NXN: variants seen among roughly 807,000 people sequenced by gnomAD.
NXN encodes nucleoredoxin 1.
Under a neutral mutation model 48.6 loss-of-function variants are expected in NXN, and 16 were observed. The observed-to-expected ratio is 0.33, with a 90% CI of 0.22 to 0.50. The LOEUF is 0.50. Ranked by LOEUF, NXN falls within the 20% of genes least tolerant of loss-of-function variation. NXN has a pLI of 0.98. For missense variants in NXN, 492 were observed against 605.5 expected (o/e 0.81, Z 1.97); for synonymous variants, 281 against 269.6 (o/e 1.04, Z -0.41).
At chr17:927,043 G>A (rs1314767129) in intron 1 of NXN, among the ~76,000 whole-genome samples, 1 of 152,056 alleles carries the variant, frequency 6.6e-6, no homozygotes. Context: ...GCCAGGTGCG[G>A]TGGCTCACGC....
intron 1 of NXN, among the ~76,000 whole-genome samples, chr17:967,496 T>G (rs914525577): frequency 1.3e-5 from 2 of 152,148 alleles, no homozygotes; most frequent in Non-Finnish European, 2.9e-5. Context: ...CAGGAGTTGA[T>G]ATTCTACACA....
At chr17:888,825 G>A (rs1294240494) in intron 1 of NXN, among the ~76,000 whole-genome samples, 1 of 151,720 alleles carries the variant, frequency 6.6e-6, no homozygotes, top group Non-Finnish European at 1.5e-5. Flanking sequence ...CATGGTGGTG[G>A]GCACCTGTAA....
At chr17:886,378 T>C (rs911244508) in intron 1 of NXN, among the ~76,000 whole-genome samples, 4 of 152,216 alleles carry the variant, frequency 2.6e-5, no homozygotes, top group Non-Finnish European at 4.4e-5. Flanking sequence ...CCAGAGGGAA[T>C]ATTTATTCCA....
intron 1 of NXN, among the ~76,000 whole-genome samples, chr17:912,330 C>G (rs1240089758): frequency 6.6e-6 from 1 of 151,968 alleles, no homozygotes; most frequent in African/African-American, 2.4e-5. Flanking sequence ...GAGGGTCAAC[C>G]GTATTTGTAA....
At chr17:883,612 T>A (rs949587095) in intron 1 of NXN, among the ~76,000 whole-genome samples, 1 of 152,208 alleles carries the variant, frequency 6.6e-6, no homozygotes, top group Admixed American at 6.5e-5. Flanking sequence ...AGGTCGATGC[T>A]GGAAGGGCAG....
chr17:816,090 G>A lies in NXN; in HGVS notation c.820+3349C>T, dbSNP rs1021345056. On this transcript the variant is annotated intron_variant, in intron 5 of 7. Coordinates refer to ENST00000336868, the MANE Select transcript of NXN (RefSeq NM_022463.5). ...ACACGGCGCTCGGTAACGCTTGGGAGAGACCTGGGCCCTACGTAGCTGACT... is the reference window on the plus strand; with the variant it reads ...ACACGGCGCTCGGTAACGCTTGGGAAAGACCTGGGCCCTACGTAGCTGACT... 2.6e-5 allele frequency among the ~76,000 whole-genome samples: 4 copies of A among 152,196 alleles called. No homozygotes were observed. The East Asian group carries it at 7.7e-4, about 29-fold the overall frequency.
chr17:818,486 G>C (rs1201078784), intron 5 of NXN, among the ~76,000 whole-genome samples: 3 of 152,176 alleles, frequency 2.0e-5, no homozygotes, highest in Admixed American at 6.6e-5. Context: ...AAGACTCTGA[G>C]TGATGAAACT....
chr17:952,983 G>T (rs1187780733), intron 1 of NXN, among the ~76,000 whole-genome samples: 2 of 152,140 alleles, frequency 1.3e-5, no homozygotes. Flanking sequence ...TAACAAGGTG[G>T]TCCTAGAGGG....
In NXN at chr17:799,709, C is replaced by G. The variant is rs1474564150; in HGVS notation, c.*1240G>C. The G allele has an allele frequency of 2.0e-5, 3 of 152,356 alleles. No homozygotes were observed. The highest frequency in any genetic ancestry group is 7.2e-5 in the African/African-American group (3 of 41,464). 9.4% of individuals were successfully genotyped at this position (152,356 alleles called of 1,614,324 possible). ...CGATACAAGGCGACACAAGGCCCAC[C>G]CGTGGCTGACGCGCCCTCCACCCTC... On this transcript the variant is annotated 3_prime_UTR_variant, in exon 8 of 8. Transcript: ENST00000336868.
chr17:844,257 G>A (rs1379955056), intron 1 of NXN, among the ~76,000 whole-genome samples: 3 of 143,012 alleles, frequency 2.1e-5, no homozygotes, highest in African/African-American at 5.4e-5. Context: ...CCTACGTCCC[G>A]TCCCACCCAT....
At chr17:916,204 G>A (rs1195467150) in intron 1 of NXN, among the ~76,000 whole-genome samples, 3 of 152,134 alleles carry the variant, frequency 2.0e-5, no homozygotes, top group African/African-American at 7.2e-5. Context: ...CAGAAATGGA[G>A]GCAGAAAATT....
intron 1 of NXN, among the ~76,000 whole-genome samples, chr17:938,590 G>A (rs1303526249): frequency 2.0e-5 from 3 of 152,140 alleles, no homozygotes; most frequent in African/African-American, 7.2e-5. Context: ...GGCGGAGGCA[G>A]GAGAATCACT....
intron 1 of NXN, among the ~76,000 whole-genome samples, chr17:910,276 G>A (rs1269067041): frequency 6.6e-6 from 1 of 152,130 alleles, no homozygotes; most frequent in African/African-American, 2.4e-5. Context: ...GCCAGGCGTG[G>A]TGGCGGGCAC....
chr17:877,145 C>T (rs2068225131), intron 1 of NXN, among the ~76,000 whole-genome samples: 1 of 151,596 alleles, frequency 6.6e-6, no homozygotes, highest in South Asian at 2.1e-4. Flanking sequence ...ATGGGAACAG[C>T]GACGGTGTTG....
At chr17:857,421 C>T (rs2098629893) in intron 1 of NXN, among the ~76,000 whole-genome samples, 1 of 152,082 alleles carries the variant, frequency 6.6e-6, no homozygotes, top group African/African-American at 2.4e-5. Flanking sequence ...CCACCACACC[C>T]AGATCATTTT....
At chr17:834,664 C>T (rs113011784) in intron 1 of NXN, among the ~76,000 whole-genome samples, 4,476 of 151,630 alleles carry the variant, frequency 0.03, 79 homozygotes, top group Non-Finnish European at 0.046. Flanking sequence ...GGATTACAGG[C>T]GCCCACCACC....
chr17:801,443 C>CTTTTTTTTTTTTTT (rs71371579), intron 7 of NXN, among the ~76,000 whole-genome samples: 4 of 104,316 alleles, frequency 3.8e-5, no homozygotes, highest in Admixed American at 1.3e-4. Flanking sequence ...ATGTCACATT[C>CTTTTTTTTTTTTTT]TTTTTTTTTT....
At chr17:945,491 C>T (rs1427362441) in intron 1 of NXN, among the ~76,000 whole-genome samples, 2 of 150,506 alleles carry the variant, frequency 1.3e-5, no homozygotes, top group African/African-American at 2.4e-5. Context: ...ATTAGCCGGG[C>T]GTGGTGGCGG....
chr17:961,260 G>C (rs367743268), intron 1 of NXN, among the ~76,000 whole-genome samples: 87 of 152,122 alleles, frequency 5.7e-4, no homozygotes, highest in African/African-American at 2.0e-3. Context: ...CGGGTGTGGT[G>C]GCGCGTGCCT....
Sources: allele counts gnomAD v4.1 joint callset (sites outside exome capture counted in the v4.1 genomes callset), GRCh38; gene constraint gnomAD v4.1.1; transcripts MANE v1.5; gene names NCBI Gene and HGNC (gene_info 2026-07-23, HGNC 2026-07-21).